Variants in SCN7A observed in about 807,000 individuals in gnomAD.
SCN7A encodes sodium voltage-gated channel alpha subunit 7.
In SCN7A, 138 loss-of-function variants were observed where a neutral mutation model predicts 155.2. The ratio of observed to expected loss-of-function variants is 0.89; its 90% CI spans 0.77 to 1.02. The LOEUF (loss-of-function observed/expected upper bound fraction) is 1.02, where lower values mean the gene tolerates loss of function less well. Among genes scored for constraint, SCN7A ranks in the 50% least tolerant of loss-of-function variants. The pLI is 0.00. For missense variants in SCN7A, 2,058 were observed against 1,986.6 expected (o/e 1.04, Z -0.68); for synonymous variants, 693 against 649.0 (o/e 1.07, Z -1.03).
intron 15 of SCN7A, 156 bp downstream of exon 15, chr2:166,441,240 T>A (rs1485734188): frequency 3.7e-6 from 2 of 533,714 alleles, no homozygotes; most frequent in East Asian, 5.9e-5. Flanking sequence ...ATGGAACTAA[T>A]CATATATCAG....
At chr2:166,417,094 C>T (rs1701395461) in intron 20 of SCN7A, 109 bp from the exon 21 acceptor site, 3 of 828,574 alleles carry the variant, frequency 3.6e-6, no homozygotes, top group Non-Finnish European at 5.5e-6. Flanking sequence ...AAAAAAAAAC[C>T]TTAAAAGGCC....
At position 166,405,779 on chromosome 2, in the gene SCN7A, G is replaced by A. The variant is rs374349539; in HGVS notation, c.4850C>T (p.Thr1617Met). Reference sequence around the variant, plus strand: ...CTCTTGTTTTCGTTTCAAAGTAGTCGTAATTGGCTCACATGTGATCTTAAA... The same window carrying A: ...CTCTTGTTTTCGTTTCAAAGTAGTCATAATTGGCTCACATGTGATCTTAAA... ...NPFKITCEPI[T>M]TTLKRKQEAV... The change falls in exon 26 of 26, where the codon ACG (threonine) becomes ATG (methionine). Residue 1617 changes from threonine (T) to methionine (M), a missense_variant. Coordinates refer to ENST00000643258, the MANE Select transcript of SCN7A (RefSeq NM_002976.4). The A allele has an allele frequency of 2.9e-5, 47 of 1,612,834 alleles. No individual in the cohort carries two copies. The highest frequency in any genetic ancestry group is 4.5e-5 in the East Asian group (2 of 44,852).
chr2:166,439,041 A>ATATGTG lies in SCN7A; in HGVS notation c.2157+2354_2157+2355insCACATA, dbSNP rs1559104032. Among the ~76,000 whole-genome samples the ATATGTG allele has an allele frequency of 1.1e-3, 133 of 122,834 alleles. 2 individuals carry two copies. The Middle Eastern group carries it at 0.018, about 17-fold the overall frequency. 80.6% of individuals were successfully genotyped at this position (122,834 alleles called of 152,430 possible). A position where few individuals can be genotyped will look rare whatever the true frequency, so the allele number is the denominator to read the frequency against. On this transcript the variant is annotated intron_variant, in intron 15 of 25. Transcript: ENST00000643258. ...TATATACATACACACACATACATATATGTGTGTGTGTGTGTATATATATAT... is the reference window on the plus strand; with the variant it reads ...TATATACATACACACACATACATATATATGTGTGTGTGTGTGTGTGTATATATATAT...
intron 5 of SCN7A, among the ~76,000 whole-genome samples, chr2:166,473,579 T>A (rs1028771355): frequency 2.0e-5 from 3 of 151,332 alleles, no homozygotes; most frequent in Non-Finnish European, 4.4e-5. Flanking sequence ...TGGAAAGGAA[T>A]GAAAGTTACC....
chr2:166,483,161 A>T (rs1275995435), intron 2 of SCN7A, among the ~76,000 whole-genome samples: 1 of 152,036 alleles, frequency 6.6e-6, no homozygotes, highest in Non-Finnish European at 1.5e-5. Flanking sequence ...TGAAATTTGC[A>T]GGAGCAGCAG....
rs1345409763 is a variant in SCN7A at position 166,406,273 on chromosome 2, A to G, written c.4356T>C (p.Asp1452=). 1 of 1,613,226 alleles carries G rather than the reference A, an allele frequency of 6.2e-7. No individual in the cohort carries two copies. Among genetic ancestry groups the G allele is most frequent in the Admixed American group, 1.7e-5 (1 of 59,832 alleles). ...GAGTCCCAGGGTTAATTTTATCAGG[A>G]TCACAGTCAGACCATTTACTGTTGA... ...AIFNSKWSDC[D]PDKINPGTQV... The change falls in exon 26 of 26, where the codon GAT becomes GAC. Residue 1452 remains aspartate (D), a synonymous_variant. Coordinates refer to ENST00000643258, the MANE Select transcript of SCN7A (RefSeq NM_002976.4).
intron 2 of SCN7A, among the ~76,000 whole-genome samples, chr2:166,479,414 T>C (rs1395601400): frequency 6.6e-6 from 1 of 152,112 alleles, no homozygotes; most frequent in Non-Finnish European, 1.5e-5. Context: ...AAGGGGAGGA[T>C]ACATGGTACA....
chr2:166,432,491 C>A lies in SCN7A; in HGVS notation c.2419G>T (p.Asp807Tyr). Residue 807 changes from aspartate to tyrosine, a missense_variant, in exon 16 of 26, where the codon GAT becomes TAT. Coordinates refer to ENST00000643258, the MANE Select transcript of SCN7A (RefSeq NM_002976.4). ...TCTGTGCCACTGCTTTTTTCCTTAT[C>A]TTTGAGAAAATCTTGGGTGTTGCTC... ...ELSNTQDFLK[D>Y]KEKSSGTEKN... 6.2e-7 allele frequency: 1 copy of A among 1,613,578 alleles called. No homozygotes were observed. The highest frequency in any genetic ancestry group is 8.5e-7 in the Non-Finnish European group (1 of 1,179,640).
At chr2:166,468,085 C>T (rs1378436572) in intron 7 of SCN7A, among the ~76,000 whole-genome samples, 1 of 151,882 alleles carries the variant, frequency 6.6e-6, no homozygotes, top group African/African-American at 2.4e-5. Context: ...TCTACTCAGT[C>T]CCACCACATA....
chr2:166,437,923 G>T (rs1701873417), intron 15 of SCN7A, among the ~76,000 whole-genome samples: 2 of 152,114 alleles, frequency 1.3e-5, no homozygotes, highest in African/African-American at 4.8e-5. Flanking sequence ...CTCATAGGTG[G>T]AAGGGACTTA....
intron 7 of SCN7A, among the ~76,000 whole-genome samples, chr2:166,466,320 G>A (rs1174931678): frequency 6.6e-6 from 1 of 152,036 alleles, no homozygotes; most frequent in East Asian, 1.9e-4. Context: ...ATAAAGAAAA[G>A]TGTAAGGTTA....
chr2:166,420,296 C>T (rs1246384393), intron 20 of SCN7A, among the ~76,000 whole-genome samples: 4 of 151,680 alleles, frequency 2.6e-5, no homozygotes, highest in Admixed American at 1.3e-4. Flanking sequence ...AAAGGTTAAA[C>T]GTTAATAATT....
At chr2:166,407,718 G>T (rs1486849049) in intron 25 of SCN7A, among the ~76,000 whole-genome samples, 1 of 151,316 alleles carries the variant, frequency 6.6e-6, no homozygotes, top group Non-Finnish European at 1.5e-5. Flanking sequence ...TCTCTTTTTT[G>T]GGGGGAAGTT....
chr2:166,483,926 C>T (rs1338932753), intron 2 of SCN7A, among the ~76,000 whole-genome samples: 5 of 151,828 alleles, frequency 3.3e-5, no homozygotes, highest in Non-Finnish European at 5.9e-5. Flanking sequence ...ATCTCAGGTG[C>T]AGCCACTAAA....
rs1702299106 is a variant in SCN7A at position 166,457,006 on chromosome 2, A to G, written c.1154T>C (p.Met385Thr). 6.2e-7 allele frequency: 1 copy of G among 1,610,880 alleles called. No individual in the cohort carries two copies. Among genetic ancestry groups the G allele is most frequent in the Admixed American group, 1.7e-5 (1 of 59,652 alleles). The change falls in exon 11 of 26, where the codon ATG (methionine) becomes ACG (threonine). Residue 385 changes from methionine to threonine, a missense_variant. Physicochemically the swap from Met to Thr is moderately conservative, Grantham distance 81 (BLOSUM62 -1). Coordinates refer to ENST00000643258, the MANE Select transcript of SCN7A (RefSeq NM_002976.4). ...AAGTATGCCTAAGAACAAACTTGCC[A>G]TATAAAAGGAAAACAAAAAACTTAC... The part of the protein sequence containing the change: ...VVVSFLFSFY[M>T]ASLFLGILAM...
chr2:166,490,265 T>C (rs1466960402), intron 1 of SCN7A, among the ~76,000 whole-genome samples: 2 of 152,086 alleles, frequency 1.3e-5, no homozygotes, highest in Non-Finnish European at 2.9e-5. Flanking sequence ...ATTCACCCCC[T>C]CATCCCCAGC....
chr2:166,460,032 C>T lies in SCN7A; in HGVS notation c.1083+2357G>A, dbSNP rs145158001. On this transcript the variant is annotated intron_variant, in intron 10 of 25. Transcript: ENST00000643258. Reference sequence around the variant, plus strand: ...TAGGAGAAATACCTAATGTAGATGACGAGTTGATGGGGTGCAACAAACCAC... The same window carrying T: ...TAGGAGAAATACCTAATGTAGATGATGAGTTGATGGGGTGCAACAAACCAC... 6.2e-3 allele frequency among the ~76,000 whole-genome samples: 949 copies of T among 152,166 alleles called. 9 individuals carry two copies. The highest frequency in any genetic ancestry group is 0.021 in the African/African-American group (891 of 41,504).
intron 12 of SCN7A, among the ~76,000 whole-genome samples, chr2:166,445,752 G>T (rs1006909022): frequency 6.6e-6 from 1 of 151,804 alleles, no homozygotes; most frequent in Non-Finnish European, 1.5e-5. Context: ...CGTGCTGCTG[G>T]ATTCGACAAA....
intron 24 of SCN7A, 91 bp downstream of exon 24, chr2:166,410,129 A>C (rs1574998745): frequency 1.7e-6 from 2 of 1,184,560 alleles, no homozygotes; most frequent in Non-Finnish European, 2.3e-6. Context: ...GGGACACAAA[A>C]ATTTTGACAA....
Sources: allele counts gnomAD v4.1 joint callset (sites outside exome capture counted in the v4.1 genomes callset), GRCh38; gene constraint gnomAD v4.1.1; transcripts MANE v1.5; gene names NCBI Gene and HGNC (gene_info 2026-07-23, HGNC 2026-07-21).